RNF180: variants seen among roughly 807,000 people sequenced by gnomAD.
The protein encoded by RNF180 is ring finger protein 180.
Under a neutral mutation model 59.2 loss-of-function variants are expected in RNF180, and 38 were observed. That is an observed-to-expected ratio of 0.64 (90% CI 0.50 to 0.84). RNF180 has a LOEUF of 0.84. Among genes scored for constraint, RNF180 ranks in the 40% least tolerant of loss-of-function variants. RNF180 has a pLI of 0.00. For missense variants in RNF180, 705 were observed against 700.9 expected (o/e 1.01, Z -0.07); for synonymous variants, 262 against 240.3 (o/e 1.09, Z -0.84).
intron 1 of RNF180, among the ~76,000 whole-genome samples, chr5:64,195,814 G>T (rs1333214031): frequency 6.6e-6 from 1 of 152,180 alleles, no homozygotes; most frequent in African/African-American, 2.4e-5. Flanking sequence ...TCAGCTCAGG[G>T]TGCAAGGTGG....
chr5:64,282,911 T>A (rs1742083804), intron 5 of RNF180, among the ~76,000 whole-genome samples: 1 of 152,232 alleles, frequency 6.6e-6, no homozygotes. Context: ...AGAATTGTTT[T>A]GTGGTTGATC....
chr5:64,299,207 T>A (rs1281234468), intron 5 of RNF180, among the ~76,000 whole-genome samples: 1 of 151,988 alleles, frequency 6.6e-6, no homozygotes, highest in Admixed American at 6.6e-5. Flanking sequence ...ATCTTGGACT[T>A]CCCAGGATCC....
At chr5:64,361,048 C>A (rs1264663270) in intron 7 of RNF180, among the ~76,000 whole-genome samples, 1 of 151,442 alleles carries the variant, frequency 6.6e-6, no homozygotes, top group Non-Finnish European at 1.5e-5. Context: ...TAGTCCAGAA[C>A]AAAGGCAGTT....
chr5:64,285,185 C>T (rs142491231), intron 5 of RNF180, among the ~76,000 whole-genome samples: 41 of 152,286 alleles, frequency 2.7e-4, no homozygotes, highest in African/African-American at 9.9e-4. Context: ...TTTAAGAACC[C>T]ACTGCACTGG....
chr5:64,334,513 C>T (rs985549272), intron 7 of RNF180, among the ~76,000 whole-genome samples: 4 of 151,896 alleles, frequency 2.6e-5, no homozygotes, highest in Non-Finnish European at 5.9e-5. Flanking sequence ...AACTGTACTC[C>T]TCAATTACCA....
intron 7 of RNF180, among the ~76,000 whole-genome samples, chr5:64,357,127 G>A (rs1580305373): frequency 1.3e-5 from 2 of 151,852 alleles, no homozygotes; most frequent in South Asian, 4.2e-4. Context: ...TATAAGTAAT[G>A]TACAATAAAT....
chr5:64,345,711 TAAAC>T (rs1045544688), intron 7 of RNF180, among the ~76,000 whole-genome samples: 13 of 152,172 alleles, frequency 8.5e-5, no homozygotes, highest in Non-Finnish European at 1.6e-4. Context: ...GAACACATTA[TAAAC>T]AATTTGCTGT....
intron 5 of RNF180, among the ~76,000 whole-genome samples, chr5:64,290,073 G>T (rs929345321): frequency 6.6e-6 from 1 of 152,032 alleles, no homozygotes; most frequent in African/African-American, 2.4e-5. Context: ...TGAGATTCTG[G>T]TATGTTGTCT....
chr5:64,370,217 C>A lies in RNF180; in HGVS notation c.*403C>A, dbSNP rs1746614087. On this transcript the variant is annotated 3_prime_UTR_variant, in exon 8 of 8. Transcript: ENST00000389100. Reference sequence around the variant, plus strand: ...TACTGATAAAATATTTAGTCAATCACCACTTATTCTCAGGCAAATTATATG... The same window carrying A: ...TACTGATAAAATATTTAGTCAATCAACACTTATTCTCAGGCAAATTATATG... 1 of 152,822 alleles carries A rather than the reference C, an allele frequency of 6.5e-6. No individual in the cohort carries two copies. Among genetic ancestry groups the A allele is most frequent in the East Asian group, 1.9e-4 (1 of 5,174 alleles). The allele number at this position is 152,822 out of a possible 1,614,324, so 9.5% of individuals were successfully genotyped here.
chr5:64,213,303 T>C (rs888029778), intron 3 of RNF180, among the ~76,000 whole-genome samples: 1 of 152,210 alleles, frequency 6.6e-6, no homozygotes, highest in Non-Finnish European at 1.5e-5. Flanking sequence ...GAGACTCTCA[T>C]TTAGAATTCT....
intron 7 of RNF180, among the ~76,000 whole-genome samples, chr5:64,356,900 G>T (rs935264056): frequency 6.6e-6 from 1 of 151,794 alleles, no homozygotes; most frequent in African/African-American, 2.4e-5. Context: ...AATAAATAGT[G>T]GTGATGGTTG....
intron 5 of RNF180, among the ~76,000 whole-genome samples, chr5:64,250,209 A>G (rs1743475556): frequency 6.6e-6 from 1 of 152,156 alleles, no homozygotes; most frequent in Admixed American, 6.6e-5. Context: ...TGTGCTCCTG[A>G]ACAACCAATG....
At chr5:64,298,927 A>G (rs907521412) in intron 5 of RNF180, among the ~76,000 whole-genome samples, 4 of 152,128 alleles carry the variant, frequency 2.6e-5, no homozygotes, top group African/African-American at 9.6e-5. Flanking sequence ...GGCTTAGTGC[A>G]GGAGCCTAGT....
intron 5 of RNF180, among the ~76,000 whole-genome samples, chr5:64,320,125 C>T (rs958974035): frequency 2.0e-5 from 3 of 152,200 alleles, no homozygotes; most frequent in Non-Finnish European, 2.9e-5. Context: ...AACAAGCTCT[C>T]CAGCTGATTT....
chr5:64,344,267 CAG>C (rs1409199537), intron 7 of RNF180, among the ~76,000 whole-genome samples: 4 of 151,708 alleles, frequency 2.6e-5, no homozygotes, highest in African/African-American at 4.8e-5. Flanking sequence ...TATATGTAAA[CAG>C]TAATCAAAAG....
chr5:64,214,222 C>G lies in RNF180; in HGVS notation c.896C>G (p.Pro299Arg), dbSNP rs1388453815. 3 of 1,614,022 alleles carry G rather than the reference C, an allele frequency of 1.9e-6. No individual in the cohort carries two copies. The highest frequency in any genetic ancestry group is 2.5e-6 in the Non-Finnish European group (3 of 1,179,990). ...CTGCTGCAAAGATTTTCAGTGGCCC[C>G]CCATGAGACCCAGACACAAAGAGGA... Reference protein sequence around the residue: ...SMLLQRFSVAPHETQTQRGGE... With the variant: ...SMLLQRFSVARHETQTQRGGE... The change falls in exon 4 of 8, where the codon CCC (proline) becomes CGC (arginine). Residue 299 changes from proline (P) to arginine (R), a missense_variant. Physicochemically the swap from Pro to Arg is moderately radical, Grantham distance 103. Transcript: ENST00000389100.
chr5:64,349,682 G>A (rs1379639960), intron 7 of RNF180, among the ~76,000 whole-genome samples: 6 of 151,874 alleles, frequency 4.0e-5, no homozygotes, highest in African/African-American at 1.5e-4. Flanking sequence ...GTGAGAACAT[G>A]CGGTGTTTGG....
intron 1 of RNF180, among the ~76,000 whole-genome samples, chr5:64,192,869 A>G (rs1293829544): frequency 6.9e-6 from 1 of 145,688 alleles, no homozygotes; most frequent in Non-Finnish European, 1.5e-5. Flanking sequence ...CCAGGTGCCT[A>G]TTGACAAATG....
At chr5:64,365,358 G>T (rs1367776095) in intron 7 of RNF180, among the ~76,000 whole-genome samples, 1 of 151,628 alleles carries the variant, frequency 6.6e-6, no homozygotes, top group Non-Finnish European at 1.5e-5. Context: ...TTGCACTGTG[G>T]TCCAGGGGTG....
Sources: allele counts gnomAD v4.1 joint callset (sites outside exome capture counted in the v4.1 genomes callset), GRCh38; gene constraint gnomAD v4.1.1; transcripts MANE v1.5; gene names NCBI Gene and HGNC (gene_info 2026-07-23, HGNC 2026-07-21).